The following LRRC4C variants were observed in gnomAD, a reference collection of about 807,000 sequenced individuals.
LRRC4C encodes leucine-rich repeat-containing protein 4C.
In LRRC4C, 5 loss-of-function variants were observed where a neutral mutation model predicts 33.6. The observed-to-expected ratio is 0.15, with a 90% CI of 0.08 to 0.31. The LOEUF (loss-of-function observed/expected upper bound fraction) is 0.31. LRRC4C is among the 10% of genes least tolerant of loss of function. LRRC4C has a pLI of 1.00. For missense variants in LRRC4C, 560 were observed against 796.7 expected, an observed-to-expected ratio of 0.70 and a Z score of 3.58; for synonymous variants, 329 against 302.0, an observed-to-expected ratio of 1.09 and a Z score of -0.93.
chr11:41,245,709 G>C (rs1752540892), intron 1 of LRRC4C, among the ~76,000 whole-genome samples: 1 of 152,076 alleles, frequency 6.6e-6, no homozygotes, highest in Admixed American at 6.5e-5. Context: ...CCCTGCTTGT[G>C]TTTTTCAGCC....
At chr11:40,123,594 G>A (rs575474234) in intron 6 of LRRC4C, among the ~76,000 whole-genome samples, 160 of 151,606 alleles carry the variant, frequency 1.1e-3, no homozygotes, top group Non-Finnish European at 1.7e-3. Flanking sequence ...GATCAGACAC[G>A]CAAAAAATGG....
At chr11:40,536,788 T>A (rs1047883036) in intron 3 of LRRC4C, among the ~76,000 whole-genome samples, 2 of 152,166 alleles carry the variant, frequency 1.3e-5, no homozygotes, top group Non-Finnish European at 2.9e-5. Context: ...TAACTACCTT[T>A]AAAAATATTG....
At chr11:41,063,374 C>A (rs1372994003) in intron 1 of LRRC4C, among the ~76,000 whole-genome samples, 9 of 152,084 alleles carry the variant, frequency 5.9e-5, no homozygotes, top group Admixed American at 5.9e-4. Flanking sequence ...GACACATAAT[C>A]ATTATATCAA....
In LRRC4C at chr11:41,286,221, T is replaced by C. The variant is rs568240265; in HGVS notation, c.-496+173210A>G. Among the ~76,000 whole-genome samples, 9 of 152,312 alleles carry C rather than the reference T, an allele frequency of 5.9e-5. No individual in the cohort carries two copies. The South Asian group carries it at 1.9e-3, about 32-fold the overall frequency. ...GATTCATACTTTATTTTTCTCTTTC[T>C]CACTTCACTCTCTCTCTTTTATAAA... is the stretch of plus-strand genomic sequence containing the variant. On this transcript the variant is annotated intron_variant, in intron 1 of 6. Coordinates refer to ENST00000528697, the MANE Select transcript of LRRC4C (RefSeq NM_001258419.2).
intron 5 of LRRC4C, among the ~76,000 whole-genome samples, chr11:40,227,397 C>T (rs1453062184): frequency 1.3e-5 from 2 of 152,218 alleles, no homozygotes; most frequent in Non-Finnish European, 2.9e-5. Flanking sequence ...TCTATTCTCT[C>T]TTCCTTTAAC....
chr11:41,008,765 G>A (rs371139024), intron 1 of LRRC4C, among the ~76,000 whole-genome samples: 274 of 152,110 alleles, frequency 1.8e-3, no homozygotes, highest in Non-Finnish European at 3.4e-3. Context: ...ACTTAGTTGG[G>A]TGGTAAATTT....
At chr11:40,531,388 C>T (rs10437642) in intron 3 of LRRC4C, among the ~76,000 whole-genome samples, 26,293 of 151,882 alleles carry the variant, frequency 0.17, 2,724 homozygotes, top group African/African-American at 0.29. Context: ...GTCGAATTCA[C>T]CTCTAAGTAC....
chr11:40,265,481 A>T (rs771604523), intron 4 of LRRC4C, among the ~76,000 whole-genome samples: 2 of 152,236 alleles, frequency 1.3e-5, no homozygotes, highest in Admixed American at 1.3e-4. Flanking sequence ...ATATTCCATT[A>T]TCTCTTTTGC....
intron 5 of LRRC4C, among the ~76,000 whole-genome samples, chr11:40,226,813 A>G (rs888481248): frequency 6.6e-6 from 1 of 152,226 alleles, no homozygotes; most frequent in African/African-American, 2.4e-5. Flanking sequence ...GCATATATAC[A>G]TATGTACATA....
At chr11:41,086,419 G>A (rs1454819258) in intron 1 of LRRC4C, among the ~76,000 whole-genome samples, 1 of 152,014 alleles carries the variant, frequency 6.6e-6, no homozygotes, top group Non-Finnish European at 1.5e-5. Context: ...TTTAAATCAT[G>A]GGATTTATTG....
At position 40,114,732 on chromosome 11, in the gene LRRC4C, C is replaced by T. The variant is rs1285445870; in HGVS notation, c.1561G>A (p.Glu521Lys). 6.2e-7 allele frequency: 1 copy of T among 1,614,168 alleles called. No homozygotes were observed. Among genetic ancestry groups the T allele is most frequent in the South Asian group, 1.1e-5 (1 of 91,080 alleles). Residue 521 changes from glutamate (E) to lysine (K), a missense_variant, in exon 7 of 7, where the codon GAG becomes AAG. Glu to Lys is a moderately conservative substitution (Grantham distance 56). This residue lies in a region of LRRC4C where 455 missense variants were observed against 643.8 expected (regional missense o/e 0.71). Transcript: ENST00000528697. ...DINSGIPGID[E>K]VMKTTKIIIG... Reference sequence around the variant, plus strand: ...ATGATTTTGGTAGTCTTCATGACCTCATCAATTCCTGGGATCCCACTGTTT... The same window carrying T: ...ATGATTTTGGTAGTCTTCATGACCTTATCAATTCCTGGGATCCCACTGTTT...
intron 5 of LRRC4C, among the ~76,000 whole-genome samples, chr11:40,227,936 C>G (rs1416795532): frequency 6.6e-6 from 1 of 152,108 alleles, no homozygotes; most frequent in African/African-American, 2.4e-5. Flanking sequence ...TATGTTAACC[C>G]ACATAAACCA....
chr11:40,660,092 C>CATT (rs1943354982), intron 2 of LRRC4C, among the ~76,000 whole-genome samples: 1 of 152,228 alleles, frequency 6.6e-6, no homozygotes, highest in Admixed American at 6.5e-5. Flanking sequence ...TTCTCCTTGT[C>CATT]CACACACAGG....
chr11:40,678,931 G>A (rs1240580120), intron 2 of LRRC4C, among the ~76,000 whole-genome samples: 1 of 152,146 alleles, frequency 6.6e-6, no homozygotes, highest in Non-Finnish European at 1.5e-5. Flanking sequence ...AACAGGCAGA[G>A]GTTGGAACAG....
chr11:40,655,633 C>G, intron 2 of LRRC4C, among the ~76,000 whole-genome samples: 1 of 152,118 alleles, frequency 6.6e-6, no homozygotes, highest in East Asian at 1.9e-4. Context: ...TTGCACTTTG[C>G]TCACAAATTC....
chr11:40,394,613 G>T (rs2137482647), intron 3 of LRRC4C, among the ~76,000 whole-genome samples: 1 of 152,214 alleles, frequency 6.6e-6, no homozygotes, highest in Non-Finnish European at 1.5e-5. Context: ...CATAAATCTA[G>T]TTCCACATGC....
intron 1 of LRRC4C, among the ~76,000 whole-genome samples, chr11:40,994,895 T>C (rs1565282618): frequency 1.3e-5 from 2 of 151,928 alleles, no homozygotes. Context: ...CATTGTCCCC[T>C]CCACAATTTC....
intron 4 of LRRC4C, among the ~76,000 whole-genome samples, chr11:40,283,902 C>T (rs1943658120): frequency 6.6e-6 from 1 of 151,830 alleles, no homozygotes; most frequent in South Asian, 2.1e-4. Context: ...CAGATTTCTC[C>T]ATGTTGGTCA....
intron 1 of LRRC4C, among the ~76,000 whole-genome samples, chr11:40,984,366 A>G (rs11036171): frequency 7.7e-5 from 3 of 39,174 alleles, no homozygotes; most frequent in Non-Finnish European, 1.5e-4. Flanking sequence ...GAAAGAAAAA[A>G]GAAAGAAAGA....
Sources: allele counts gnomAD v4.1 joint callset (sites outside exome capture counted in the v4.1 genomes callset), GRCh38; gene constraint gnomAD v4.1.1; regional missense constraint gnomAD v4.1.1; transcripts MANE v1.5; gene names NCBI Gene and HGNC (gene_info 2026-07-23, HGNC 2026-07-21).